LAMA2: variants seen among roughly 807,000 people sequenced by gnomAD.
LAMA2 encodes the protein laminin subunit alpha 2.
Under a neutral mutation model 364.8 loss-of-function variants are expected in LAMA2, and 269 were observed. The ratio of observed to expected loss-of-function variants is 0.74; its 90% CI spans 0.67 to 0.82. The LOEUF (loss-of-function observed/expected upper bound fraction) is 0.82, where lower values mean the gene tolerates loss of function less well. LAMA2 is among the 40% of genes least tolerant of loss of function. The probability of loss-of-function intolerance (pLI) is 0.00; values close to 1 mark genes in which losing one functional copy is unlikely to be tolerated. For synonymous variants in LAMA2, 1,379 were observed against 1,370.6 expected (o/e 1.01, Z -0.14); for missense variants, 3,807 against 3,873.2 (o/e 0.98, Z 0.45).
At chr6:129,078,156 A>G (rs934716950) in intron 3 of LAMA2, among the ~76,000 whole-genome samples, 1 of 150,454 alleles carries the variant, frequency 6.6e-6, no homozygotes, top group African/African-American at 2.5e-5. Context: ...CTTTTTTGAG[A>G]CAAAGTCTTG....
chr6:129,197,328 A>G (rs1242645607), intron 12 of LAMA2, among the ~76,000 whole-genome samples: 3 of 152,098 alleles, frequency 2.0e-5, no homozygotes, highest in Non-Finnish European at 2.9e-5. Flanking sequence ...ACTTTACCCT[A>G]CTACCTTGAG....
intron 12 of LAMA2, among the ~76,000 whole-genome samples, chr6:129,246,297 C>T (rs1785746371): frequency 6.6e-6 from 1 of 152,106 alleles, no homozygotes; most frequent in Non-Finnish European, 1.5e-5. Context: ...GCCTAAAGTA[C>T]AAGTAAGCAG....
At chr6:129,504,279 C>T (rs754916084) in intron 60 of LAMA2, among the ~76,000 whole-genome samples, 8 of 152,180 alleles carry the variant, frequency 5.3e-5, no homozygotes, top group Non-Finnish European at 8.8e-5. Flanking sequence ...GTTCTTCCAT[C>T]TCTAGCTAAT....
intron 22 of LAMA2, among the ~76,000 whole-genome samples, chr6:129,310,690 T>G (rs113872891): frequency 2.1e-4 from 32 of 152,080 alleles, no homozygotes; most frequent in African/African-American, 5.3e-4. Flanking sequence ...AGCTATAAGG[T>G]GTCCCGAGTA....
At chr6:129,325,110 A>T (rs374525889) in intron 28 of LAMA2, among the ~76,000 whole-genome samples, 28 of 152,350 alleles carry the variant, frequency 1.8e-4, no homozygotes, top group African/African-American at 4.6e-4. Flanking sequence ...AGGTCTCTAC[A>T]GTCTGCTTCA....
chr6:129,058,771 A>G (rs544002348), intron 2 of LAMA2, among the ~76,000 whole-genome samples: 1 of 152,380 alleles, frequency 6.6e-6, no homozygotes, highest in East Asian at 1.9e-4. Flanking sequence ...GGTGAAAGGC[A>G]TACAAAATGT....
intron 4 of LAMA2, among the ~76,000 whole-genome samples, chr6:129,119,408 A>T (rs1268815944): frequency 6.6e-6 from 1 of 152,112 alleles, no homozygotes; most frequent in African/African-American, 2.4e-5. Context: ...TCTTGATTAT[A>T]AGCAATGTTG....
chr6:129,270,254 G>T (rs1311673808), intron 16 of LAMA2, among the ~76,000 whole-genome samples: 1 of 143,640 alleles, frequency 7.0e-6, no homozygotes, highest in Non-Finnish European at 1.5e-5. Flanking sequence ...TATGTTATTA[G>T]TGCTCTATGA....
intron 12 of LAMA2, among the ~76,000 whole-genome samples, chr6:129,234,151 T>C (rs1414080160): frequency 6.6e-6 from 1 of 152,176 alleles, no homozygotes; most frequent in African/African-American, 2.4e-5. Context: ...TAAGAACTAT[T>C]CTTACTGGAC....
At chr6:129,497,918 A>G (rs1226614911) in intron 58 of LAMA2, among the ~76,000 whole-genome samples, 1 of 152,242 alleles carries the variant, frequency 6.6e-6, no homozygotes, top group Admixed American at 6.5e-5. Context: ...TCTTTAGCCC[A>G]TCGAGAGCTA....
intron 1 of LAMA2, among the ~76,000 whole-genome samples, chr6:128,911,690 G>GT (rs1052029348): frequency 2.0e-5 from 3 of 152,068 alleles, no homozygotes; most frequent in African/African-American, 7.2e-5. Context: ...ATAAAATAAA[G>GT]TTTTTTTACA....
chr6:129,406,347 C>A (rs906370908), intron 40 of LAMA2, among the ~76,000 whole-genome samples: 3 of 152,124 alleles, frequency 2.0e-5, no homozygotes, highest in Non-Finnish European at 4.4e-5. Context: ...ACTTGTCTTG[C>A]ATAACTAATT....
intron 4 of LAMA2, among the ~76,000 whole-genome samples, chr6:129,133,175 T>G (rs577571189): frequency 3.3e-5 from 5 of 152,360 alleles, no homozygotes; most frequent in Admixed American, 3.3e-4. Context: ...AATTTTGTTC[T>G]GCAAAATAAT....
intron 1 of LAMA2, among the ~76,000 whole-genome samples, chr6:128,957,748 C>T (rs1360815269): frequency 6.6e-6 from 1 of 150,732 alleles, no homozygotes; most frequent in African/African-American, 2.4e-5. Context: ...AGTTTACACT[C>T]AGTAGTGACC....
At chr6:129,210,561 G>C (rs756282288) in intron 12 of LAMA2, among the ~76,000 whole-genome samples, 3 of 152,074 alleles carry the variant, frequency 2.0e-5, no homozygotes, top group African/African-American at 7.2e-5. Flanking sequence ...AATATTGCGT[G>C]AGGATTGAAG....
At chr6:129,328,182 G>T in intron 28 of LAMA2, 96 bp from the exon 29 acceptor site, 1 of 1,064,726 alleles carries the variant, frequency 9.4e-7, no homozygotes, top group Non-Finnish European at 1.5e-6. Flanking sequence ...GCAGGTGGGG[G>T]AAGGCCAGTC....
Position 129,393,104 on chromosome 6 carries a change from A to G in LAMA2, c.5294A>G (p.Asn1765Ser). 6.2e-7 allele frequency: 1 copy of G among 1,614,058 alleles called. No homozygotes were observed. ...CTGTTTGGAGAGTCCCGGGGGGAAA[A>G]TGAAGAAATGGAGAAGGATCTCCGG... ...KKLFGESRGENEEMEKDLREK... is the reference protein window; with the variant it reads ...KKLFGESRGESEEMEKDLREK... The change falls in exon 37 of 65, where the codon AAT (asparagine) becomes AGT (serine). Residue 1765 changes from asparagine to serine, a missense_variant. Asn to Ser is a conservative substitution (Grantham distance 46, BLOSUM62 1). Transcript: ENST00000421865.
At chr6:129,203,537 C>A (rs922706557) in intron 12 of LAMA2, among the ~76,000 whole-genome samples, 8 of 152,186 alleles carry the variant, frequency 5.3e-5, no homozygotes, top group African/African-American at 1.7e-4. Context: ...GAGAAGACAG[C>A]CATCTACAAG....
chr6:129,109,495 T>G (rs1453381912), intron 4 of LAMA2, among the ~76,000 whole-genome samples: 1 of 151,604 alleles, frequency 6.6e-6, no homozygotes, highest in Non-Finnish European at 1.5e-5. Context: ...TGAAATGCCT[T>G]AATACATAAA....
Sources: allele counts gnomAD v4.1 joint callset (sites outside exome capture counted in the v4.1 genomes callset), GRCh38; gene constraint gnomAD v4.1.1; transcripts MANE v1.5; gene names NCBI Gene and HGNC (gene_info 2026-07-23, HGNC 2026-07-21).